Variants in MCTP2 observed in about 807,000 individuals in gnomAD.
MCTP2 encodes the protein multiple C2 and transmembrane domain-containing protein 2.
MCTP2 carries 132 observed loss-of-function variants against 111.6 expected under a neutral mutation model. The ratio of observed to expected loss-of-function variants is 1.18; its 90% CI spans 1.03 to 1.37. The LOEUF (loss-of-function observed/expected upper bound fraction) is 1.37. Ranked by LOEUF, MCTP2 falls within the 40% of genes most tolerant of loss-of-function variation. The pLI is 0.00. For missense variants in MCTP2, 1,183 were observed against 1,067.9 expected, an observed-to-expected ratio of 1.11 and a Z score of -1.50; for synonymous variants, 395 against 387.7, an observed-to-expected ratio of 1.02 and a Z score of -0.22.
intron 17 of MCTP2, among the ~76,000 whole-genome samples, chr15:94,427,767 T>C (rs1181607965): frequency 6.6e-6 from 1 of 152,174 alleles, no homozygotes; most frequent in Non-Finnish European, 1.5e-5. Context: ...TTGTTTTTGA[T>C]CCTGTCTCCT....
At chr15:94,423,720 G>C (rs755564495) in intron 17 of MCTP2, among the ~76,000 whole-genome samples, 2 of 152,174 alleles carry the variant, frequency 1.3e-5, no homozygotes, top group African/African-American at 2.4e-5. Context: ...AATGGTAGTG[G>C]CTGCTTGGGA....
At chr15:94,301,806 A>AT (rs1444026555) in intron 2 of MCTP2, among the ~76,000 whole-genome samples, 1 of 147,444 alleles carries the variant, frequency 6.8e-6, no homozygotes, top group Non-Finnish European at 1.5e-5. Flanking sequence ...TTTGATATTG[A>AT]TTTTAACTCT....
chr15:94,298,964 T>TCTCTCC (rs1567356923), intron 2 of MCTP2, among the ~76,000 whole-genome samples: 36 of 7,766 alleles, frequency 4.6e-3, no homozygotes, highest in African/African-American at 0.021. Context: ...CCTCTCTCCC[T>TCTCTCC]CTCTCCCTCT....
At chr15:94,413,461 G>GT (rs1454260312) in intron 17 of MCTP2, among the ~76,000 whole-genome samples, 1 of 150,154 alleles carries the variant, frequency 6.7e-6, no homozygotes, top group Non-Finnish European at 1.5e-5. Flanking sequence ...TCATTTTTAC[G>GT]TTCTTTAACC....
At chr15:94,320,232 T>C (rs1217314654) in intron 4 of MCTP2, among the ~76,000 whole-genome samples, 1 of 147,828 alleles carries the variant, frequency 6.8e-6, no homozygotes, top group Non-Finnish European at 1.5e-5. Flanking sequence ...AAGCTCCACC[T>C]CCTGGGTTCA....
At chr15:94,241,264 C>T (rs1485698464) in intron 1 of MCTP2, among the ~76,000 whole-genome samples, 1 of 152,134 alleles carries the variant, frequency 6.6e-6, no homozygotes, top group Middle Eastern at 3.2e-3. Context: ...ATCTGATGTG[C>T]CGGGCACAGC....
At chr15:94,392,228 C>T (rs1039334015) in intron 14 of MCTP2, among the ~76,000 whole-genome samples, 1 of 151,786 alleles carries the variant, frequency 6.6e-6, no homozygotes, top group African/African-American at 2.4e-5. Flanking sequence ...AAAAATTAGC[C>T]GGGTGTGGAG....
At chr15:94,377,207 T>C (rs143473709) in intron 12 of MCTP2, among the ~76,000 whole-genome samples, 10 of 152,342 alleles carry the variant, frequency 6.6e-5, no homozygotes, top group African/African-American at 9.6e-5. Flanking sequence ...TGTCTGTCTC[T>C]TGAAGCTGTA....
intron 17 of MCTP2, among the ~76,000 whole-genome samples, chr15:94,422,252 A>T (rs1170400384): frequency 6.6e-6 from 1 of 152,092 alleles, no homozygotes; most frequent in African/African-American, 2.4e-5. Context: ...AGAGGAATGG[A>T]TGGGCTAGTT....
chr15:94,318,379 G>T (rs1003661959), intron 4 of MCTP2, among the ~76,000 whole-genome samples: 2 of 151,810 alleles, frequency 1.3e-5, no homozygotes, highest in Middle Eastern at 3.4e-3. Flanking sequence ...CGCCTCCTGG[G>T]TTCAAGCGAT....
chr15:94,443,170 T>A (rs1326349237), intron 19 of MCTP2, among the ~76,000 whole-genome samples: 1 of 151,554 alleles, frequency 6.6e-6, no homozygotes, highest in South Asian at 2.1e-4. Context: ...ATAGAAGGAA[T>A]AATTGAAATG....
intron 17 of MCTP2, among the ~76,000 whole-genome samples, chr15:94,436,504 G>T (rs2083484956): frequency 6.6e-6 from 1 of 152,140 alleles, no homozygotes; most frequent in South Asian, 2.1e-4. Flanking sequence ...TGGTCTCACT[G>T]TAAAAGAGTT....
At chr15:94,288,168 C>A (rs1306385574) in intron 1 of MCTP2, among the ~76,000 whole-genome samples, 1 of 152,184 alleles carries the variant, frequency 6.6e-6, no homozygotes, top group East Asian at 1.9e-4. Context: ...TTTTTTAAAT[C>A]TCTCTGTGTC....
At chr15:94,443,044 T>C in intron 19 of MCTP2, 84 bp downstream of exon 19, 2 of 835,286 alleles carry the variant, frequency 2.4e-6, no homozygotes, top group Admixed American at 3.2e-5. Flanking sequence ...GTCTCTCTCC[T>C]CTCTTTTTTT....
intron 4 of MCTP2, among the ~76,000 whole-genome samples, chr15:94,327,796 T>C (rs2152385552): frequency 6.6e-6 from 1 of 152,334 alleles, no homozygotes; most frequent in Non-Finnish European, 1.5e-5. Flanking sequence ...GTCCCAACAG[T>C]CTTTAATGTA....
At chr15:94,379,752 AAT>A (rs951078273) in intron 12 of MCTP2, among the ~76,000 whole-genome samples, 30 of 147,074 alleles carry the variant, frequency 2.0e-4, no homozygotes, top group African/African-American at 7.2e-4. Context: ...TATGATATAT[AAT>A]ATATATAATA....
intron 1 of MCTP2, among the ~76,000 whole-genome samples, chr15:94,255,169 C>T (rs2072686531): frequency 6.6e-6 from 1 of 152,012 alleles, no homozygotes; most frequent in African/African-American, 2.4e-5. Flanking sequence ...ATAACTATAC[C>T]CCAATTAGTT....
At chr15:94,388,418 T>G (rs546934798) in intron 14 of MCTP2, among the ~76,000 whole-genome samples, 1 of 152,228 alleles carries the variant, frequency 6.6e-6, no homozygotes, top group South Asian at 2.1e-4. Flanking sequence ...GGGCTCTCCC[T>G]GAAATTCAGT....
intron 1 of MCTP2, among the ~76,000 whole-genome samples, chr15:94,240,474 C>T (rs1382055461): frequency 7.2e-5 from 11 of 152,160 alleles, no homozygotes; most frequent in Admixed American, 2.0e-4. Context: ...AAGACCCATT[C>T]CAACTAAGAT....
Sources: allele counts gnomAD v4.1 joint callset (sites outside exome capture counted in the v4.1 genomes callset), GRCh38; gene constraint gnomAD v4.1.1; transcripts MANE v1.5; gene names NCBI Gene and HGNC (gene_info 2026-07-23, HGNC 2026-07-21).